Variants in CTNNA1 observed in about 807,000 individuals in gnomAD.
The protein encoded by CTNNA1 is catenin alpha 1.
A neutral mutation model predicts 98.4 loss-of-function variants in CTNNA1; 37 were observed. That is an observed-to-expected ratio of 0.38 (90% CI 0.29 to 0.49). CTNNA1 has a LOEUF of 0.49. Among genes scored for constraint, CTNNA1 ranks in the 20% least tolerant of loss-of-function variants. The pLI is 0.95. For missense variants in CTNNA1, 761 were observed against 1,147.2 expected (o/e 0.66, Z 4.86); for synonymous variants, 404 against 413.2 (o/e 0.98, Z 0.27).
rs140812427 is a variant in CTNNA1, at chr5:138,886,396, G to T, written c.1143+104G>T. On this transcript the variant is annotated intron_variant, in intron 8 of 17. Coordinates refer to ENST00000302763, the MANE Select transcript of CTNNA1 (RefSeq NM_001903.5). ...CCTTATATTTTTTTATTGAGAGAAA[G>T]GATGGATTTTCACAAGAAAGTGCCT... 1.1e-4 allele frequency: 137 copies of T among 1,241,914 alleles called. 2 individuals are homozygous for T. The African/African-American group carries it at 1.7e-3, about 15-fold the overall frequency. 76.9% of individuals were successfully genotyped at this position (1,241,914 alleles called of 1,614,324 possible). A position where few individuals can be genotyped will look rare whatever the true frequency, so the allele number is the denominator to read the frequency against.
intron 11 of CTNNA1, among the ~76,000 whole-genome samples, chr5:138,921,188 A>G (rs1473691536): frequency 6.6e-6 from 1 of 152,196 alleles, no homozygotes; most frequent in African/African-American, 2.4e-5. Flanking sequence ...AAATTCATCA[A>G]AGTGATAAAG....
intron 3 of CTNNA1, among the ~76,000 whole-genome samples, chr5:138,799,535 AT>A (rs963958413): frequency 6.6e-6 from 1 of 151,938 alleles, no homozygotes; most frequent in Non-Finnish European, 1.5e-5. Context: ...CCTTTTTACA[AT>A]TTTTTTAAGC....
Position 138,912,225 on chromosome 5 carries a change from C to T in CTNNA1, c.1390-5517C>T, listed in dbSNP as rs528560222. On this transcript the variant is annotated intron_variant, in intron 10 of 17. Coordinates refer to ENST00000302763, the MANE Select transcript of CTNNA1 (RefSeq NM_001903.5). ...GGAAGCACTGTCAGGACCAGAGCCC[C>T]GGAAGCTGACTGTGTCTTAGAAGCC... Among the ~76,000 whole-genome samples the T allele has an allele frequency of 6.6e-5, 10 of 151,968 alleles. 1 individual carries two copies. Among genetic ancestry groups the T allele is most frequent in the South Asian group, 4.2e-4 (2 of 4,806 alleles).
At chr5:138,871,853 T>C (rs1358911946) in intron 7 of CTNNA1, 1 of 152,198 alleles carries the variant, frequency 6.6e-6, no homozygotes, top group East Asian at 1.9e-4. Flanking sequence ...TGGAAAGTGT[T>C]TTTTTTCATG....
At position 138,783,278 on chromosome 5, in the gene CTNNA1, T is replaced by G. The variant is rs2149656541; in HGVS notation, c.207T>G (p.Thr69=). The change falls in exon 3 of 18, where the codon ACT becomes ACG. Residue 69 remains threonine, a synonymous_variant. Transcript: ENST00000302763. ...TGGCTGCATCTGTTGAACAAGCAAC[T>G]GAGAATTTCTTGGAGAAGGGGGATA... ...HVLAASVEQA[T]ENFLEKGDKI... 6.2e-7 allele frequency: 1 copy of G among 1,614,160 alleles called. No individual in the cohort carries two copies. The highest frequency in any genetic ancestry group is 8.5e-7 in the Non-Finnish European group (1 of 1,180,002).
chr5:138,917,779 A>G lies in CTNNA1; in HGVS notation c.1427A>G (p.Gln476Arg). Residue 476 changes from glutamine (Q) to arginine (R), a missense_variant, in exon 11 of 18, where the codon CAG becomes CGG. Around this residue, in one of 6 missense-constraint regions of CTNNA1, gnomAD observed 287 missense variants for 436.0 expected, o/e 0.66. Coordinates refer to ENST00000302763, the MANE Select transcript of CTNNA1 (RefSeq NM_001903.5). ...GCACTGGCTTTAGCAGCAAAACCACAGAGTAAACTGGCCCAAGAGAACATG... is the reference window on the plus strand; with the variant it reads ...GCACTGGCTTTAGCAGCAAAACCACGGAGTAAACTGGCCCAAGAGAACATG... ...NAALALAAKP[Q>R]SKLAQENMDL... is the part of the protein sequence containing the mutation. 2 of 1,614,202 alleles carry G rather than the reference A, an allele frequency of 1.2e-6. No homozygotes were observed. Among genetic ancestry groups the G allele is most frequent in the South Asian group, 1.1e-5 (1 of 91,084 alleles).
At chr5:138,882,151 T>C (rs1299105432) in intron 7 of CTNNA1, among the ~76,000 whole-genome samples, 1 of 152,228 alleles carries the variant, frequency 6.6e-6, no homozygotes, top group Non-Finnish European at 1.5e-5. Flanking sequence ...AGAAGGTCTT[T>C]GAGAGGAAAC....
At chr5:138,846,595 C>G (rs1476919227) in intron 7 of CTNNA1, among the ~76,000 whole-genome samples, 1 of 152,118 alleles carries the variant, frequency 6.6e-6, no homozygotes, top group Non-Finnish European at 1.5e-5. Flanking sequence ...TCTGTTATTG[C>G]CACCAGAATT....
At chr5:138,933,768 C>A in intron 17 of CTNNA1, 34 bp from the exon 18 acceptor site, 2 of 1,601,232 alleles carry the variant, frequency 1.2e-6, no homozygotes, top group South Asian at 1.1e-5. Context: ...GGAGGTCAGG[C>A]CGGTGCTTCT....
At chr5:138,797,490 GC>G (rs1392992983) in intron 3 of CTNNA1, among the ~76,000 whole-genome samples, 1 of 152,100 alleles carries the variant, frequency 6.6e-6, no homozygotes. Flanking sequence ...CTGGGTGGGG[GC>G]AGATTGTATA....
At chr5:138,814,961 C>A (rs1054256838) in intron 5 of CTNNA1, among the ~76,000 whole-genome samples, 1 of 152,084 alleles carries the variant, frequency 6.6e-6, no homozygotes, top group African/African-American at 2.4e-5. Context: ...ACCATCTTGG[C>A]CAGGCTACTC....
intron 11 of CTNNA1, among the ~76,000 whole-genome samples, chr5:138,921,032 C>T (rs1426358248): frequency 6.6e-6 from 1 of 152,132 alleles, no homozygotes; most frequent in Non-Finnish European, 1.5e-5. Context: ...ATGATAACCT[C>T]CAGGGAGGAG....
chr5:138,829,196 G>C (rs951757919), intron 7 of CTNNA1, among the ~76,000 whole-genome samples: 3 of 152,146 alleles, frequency 2.0e-5, no homozygotes, highest in African/African-American at 7.2e-5. Context: ...AAATCAAATG[G>C]AAAAAGTGGT....
intron 3 of CTNNA1, among the ~76,000 whole-genome samples, chr5:138,784,899 C>G (rs527808874): frequency 2.6e-5 from 4 of 152,054 alleles, no homozygotes; most frequent in Admixed American, 2.6e-4. Context: ...GGACATCAAC[C>G]ATTGAATTAG....
chr5:138,757,060 G>T (rs1751742251), intron 1 of CTNNA1, among the ~76,000 whole-genome samples: 1 of 151,874 alleles, frequency 6.6e-6, no homozygotes, highest in African/African-American at 2.4e-5. Flanking sequence ...ACCAGGCATG[G>T]TGACACGCTC....
chr5:138,775,581 A>T (rs1037002835), intron 1 of CTNNA1, among the ~76,000 whole-genome samples: 1 of 152,148 alleles, frequency 6.6e-6, no homozygotes, highest in Admixed American at 6.5e-5. Flanking sequence ...CATTGATACA[A>T]TGCTACTGTT....
Position 138,874,881 on chromosome 5 carries a change from A to G in CTNNA1, c.1063-11331A>G, listed in dbSNP as rs772667843. On this transcript the variant is annotated intron_variant, in intron 7 of 17. Coordinates refer to ENST00000302763, the MANE Select transcript of CTNNA1 (RefSeq NM_001903.5). The surrounding 1 kb of genome is among the most constrained non-coding windows in gnomAD (Gnocchi z 4.1). ...AAAAGCGTGATTCCTTGTTGAATGT[A>G]CAAGACATATAAATGCACAGACTTA... 6.2e-7 allele frequency: 1 copy of G among 1,605,368 alleles called. No individual in the cohort carries two copies. The highest frequency in any genetic ancestry group is 8.5e-7 in the Non-Finnish European group (1 of 1,174,204).
intron 6 of CTNNA1, among the ~76,000 whole-genome samples, chr5:138,825,503 C>CTTTTTTTTT (rs1760614663): frequency 6.5e-5 from 1 of 15,306 alleles, no homozygotes; most frequent in African/African-American, 3.1e-4. Flanking sequence ...TTTTTTAGGG[C>CTTTTTTTTT]TTTAAAAGTA....
At chr5:138,892,480 A>G (rs1489409358) in intron 9 of CTNNA1, among the ~76,000 whole-genome samples, 1 of 151,248 alleles carries the variant, frequency 6.6e-6, no homozygotes, top group Non-Finnish European at 1.5e-5. Flanking sequence ...CTAGGATTAC[A>G]GGTGCCTGCT....
Sources: gnomAD v4.1 joint callset for allele counts (sites outside exome capture counted in the v4.1 genomes callset) on GRCh38, gnomAD v4.1.1 for gene constraint, gnomAD v4.1.1 regional missense constraint, Gnocchi (gnomAD v3.1) non-coding constraint, MANE v1.5 for transcripts, NCBI Gene and HGNC (gene_info 2026-07-23, HGNC 2026-07-21) for gene names.